COL25A1: variants seen among roughly 807,000 people sequenced by gnomAD.
The protein encoded by COL25A1 is collagen type XXV alpha 1 chain.
COL25A1 carries 103 observed loss-of-function variants against 128.4 expected under a neutral mutation model. The observed-to-expected ratio is 0.80, with a 90% CI of 0.68 to 0.94. The LOEUF is 0.94. Ranked by LOEUF, COL25A1 falls within the 40% of genes least tolerant of loss-of-function variation. COL25A1 has a pLI of 0.00. For synonymous variants in COL25A1, 279 were observed against 277.2 expected (o/e 1.01, Z -0.06); for missense variants, 745 against 840.0 (o/e 0.89, Z 1.40).
At chr4:108,968,688 T>A (rs1378560729) in intron 8 of COL25A1, among the ~76,000 whole-genome samples, 2 of 152,200 alleles carry the variant, frequency 1.3e-5, no homozygotes, top group East Asian at 3.8e-4. Flanking sequence ...CAATTCTCCC[T>A]CTGTGATAGT....
chr4:108,880,455 G>A (rs1297758099), intron 19 of COL25A1, among the ~76,000 whole-genome samples: 2 of 152,116 alleles, frequency 1.3e-5, no homozygotes, highest in Non-Finnish European at 2.9e-5. Flanking sequence ...ACATCCTATA[G>A]GTTAAAATTA....
At chr4:108,905,856 G>T (rs6816435) in intron 13 of COL25A1, among the ~76,000 whole-genome samples, 6 of 150,548 alleles carry the variant, frequency 4.0e-5, no homozygotes, top group African/African-American at 9.9e-5. Context: ...ATGTCGGGGG[G>T]GGGTGCGGGG....
At chr4:108,822,507 C>CT (rs1731903163) in intron 35 of COL25A1, among the ~76,000 whole-genome samples, 1 of 152,116 alleles carries the variant, frequency 6.6e-6, no homozygotes, top group Non-Finnish European at 1.5e-5. Flanking sequence ...GCCTCAAACT[C>CT]TTGAGTTCAA....
chr4:109,100,415 G>A lies in COL25A1; in HGVS notation c.368-50236C>T, dbSNP rs1336655254. ...AGATAAAATATAAGCCCATTTTTGT[G>A]AGAAAAAAAAAAAAAGACTGGAAAC... On this transcript the variant is annotated intron_variant, in intron 3 of 37. Coordinates refer to ENST00000399132, the MANE Select transcript of COL25A1 (RefSeq NM_198721.4). 2.9e-5 allele frequency among the ~76,000 whole-genome samples: 4 copies of A among 135,646 alleles called. No individual in the cohort carries two copies. In the East Asian group the frequency reaches 7.0e-4, roughly 24 times the overall value. 89.0% of individuals were successfully genotyped at this position (135,646 alleles called of 152,430 possible). A position where few individuals can be genotyped will look rare whatever the true frequency, so the allele number is the denominator to read the frequency against.
At chr4:109,133,540 GT>G (rs1769418437) in intron 3 of COL25A1, among the ~76,000 whole-genome samples, 4 of 152,088 alleles carry the variant, frequency 2.6e-5, no homozygotes, top group Admixed American at 2.6e-4. Flanking sequence ...TTTGCTCAGT[GT>G]TTGTTAGGAA....
chr4:109,268,434 C>T (rs781375786), intron 3 of COL25A1, among the ~76,000 whole-genome samples: 4 of 152,092 alleles, frequency 2.6e-5, no homozygotes, highest in African/African-American at 4.8e-5. Context: ...CATAGGACAA[C>T]CTCTAGAGAA....
chr4:109,253,457 G>T (rs1780798679), intron 3 of COL25A1, among the ~76,000 whole-genome samples: 1 of 152,092 alleles, frequency 6.6e-6, no homozygotes, highest in African/African-American at 2.4e-5. Context: ...CCCTTACCCT[G>T]CCTTTTTGTT....
At chr4:108,838,109 G>T in intron 31 of COL25A1, 1 of 1,549,274 alleles carries the variant, frequency 6.5e-7, no homozygotes, top group Non-Finnish European at 8.7e-7. Context: ...GGAAGACCAA[G>T]GGGTCCTCTG....
At chr4:108,856,514 A>G (rs1347280622) in intron 24 of COL25A1, among the ~76,000 whole-genome samples, 1 of 152,168 alleles carries the variant, frequency 6.6e-6, no homozygotes, top group Non-Finnish European at 1.5e-5. Flanking sequence ...ATAAATGTCT[A>G]CCATCTCTTC....
At chr4:109,161,986 C>T (rs1210048426) in intron 3 of COL25A1, among the ~76,000 whole-genome samples, 1 of 152,148 alleles carries the variant, frequency 6.6e-6, no homozygotes, top group African/African-American at 2.4e-5. Flanking sequence ...GTGGTCTCTG[C>T]CAGCCATTCC....
At chr4:109,295,237 C>T (rs1385765458) in intron 3 of COL25A1, among the ~76,000 whole-genome samples, 20 of 152,082 alleles carry the variant, frequency 1.3e-4, no homozygotes. Flanking sequence ...AAGAACATTG[C>T]TTCAAGAGGC....
chr4:109,046,482 C>T (rs374017760), intron 5 of COL25A1, among the ~76,000 whole-genome samples: 1 of 152,104 alleles, frequency 6.6e-6, no homozygotes, highest in African/African-American at 2.4e-5. Flanking sequence ...AAAAAAGAAG[C>T]CTTGAACACT....
At chr4:109,035,438 C>A (rs956054187) in intron 5 of COL25A1, among the ~76,000 whole-genome samples, 2 of 152,090 alleles carry the variant, frequency 1.3e-5, no homozygotes, top group Admixed American at 1.3e-4. Context: ...GGAGACAGAT[C>A]AATTTCCAAT....
intron 16 of COL25A1, among the ~76,000 whole-genome samples, chr4:108,893,235 G>A (rs1340240792): frequency 6.6e-6 from 1 of 152,188 alleles, no homozygotes; most frequent in Non-Finnish European, 1.5e-5. Flanking sequence ...AACAGGTAAT[G>A]CTAAGAAAGT....
At position 109,092,128 on chromosome 4, in the gene COL25A1, G is replaced by A. The variant is rs58795227; in HGVS notation, c.368-41949C>T. On this transcript the variant is annotated intron_variant, in intron 3 of 37. Transcript: ENST00000399132. ...TAAAGAAAGCTATCTGCGACCCAGG[G>A]AAAGTGACCGTAAGACAAGGGCCAC... 1.9e-3 allele frequency among the ~76,000 whole-genome samples: 296 copies of A among 152,242 alleles called. 3 individuals are homozygous for A. The highest frequency in any genetic ancestry group is 6.9e-3 in the African/African-American group (287 of 41,546).
At chr4:108,877,733 CT>C (rs1739631595) in intron 19 of COL25A1, among the ~76,000 whole-genome samples, 1 of 151,782 alleles carries the variant, frequency 6.6e-6, no homozygotes, top group African/African-American at 2.4e-5. Context: ...AAAAACTGGT[CT>C]TCTATTTTAC....
At chr4:108,966,932 G>GAGAGAA (rs1751370671) in intron 8 of COL25A1, among the ~76,000 whole-genome samples, 1 of 124,610 alleles carries the variant, frequency 8.0e-6, no homozygotes, top group Non-Finnish European at 1.8e-5. Context: ...GAAAAAGAGA[G>GAGAGAA]AAAGAAAGAG....
chr4:108,843,883 T>C (rs559593977), intron 30 of COL25A1, among the ~76,000 whole-genome samples: 2 of 103,582 alleles, frequency 1.9e-5, no homozygotes, highest in African/African-American at 3.5e-5. Flanking sequence ...TTAATGGCTA[T>C]TATTACTATT....
chr4:108,809,649 T>A lies in COL25A1; in HGVS notation c.*4278A>T, dbSNP rs1307216165. On this transcript the variant is annotated 3_prime_UTR_variant, in exon 38 of 38. Transcript: ENST00000399132. ...ATTAAAGTGTTTATTAGTACGGGGT[T>A]AGCAAAAACCAAACTCCACTAAAAA... 2.0e-5 allele frequency: 3 copies of A among 152,064 alleles called. No homozygotes were observed. The highest frequency in any genetic ancestry group is 7.2e-5 in the African/African-American group (3 of 41,448). The allele number at this position is 152,064 out of a possible 1,614,324, so 9.4% of individuals were successfully genotyped here. A position where few individuals can be genotyped will look rare whatever the true frequency, so the allele number is the denominator to read the frequency against.
Sources: allele counts gnomAD v4.1 joint callset (sites outside exome capture counted in the v4.1 genomes callset), GRCh38; gene constraint gnomAD v4.1.1; transcripts MANE v1.5; gene names NCBI Gene and HGNC (gene_info 2026-07-23, HGNC 2026-07-21).